NAGK: variants seen among roughly 807,000 people sequenced by gnomAD.
NAGK encodes the protein N-acetyl-D-glucosamine kinase.
NAGK carries 35 observed loss-of-function variants against 42.9 expected under a neutral mutation model. That is an observed-to-expected ratio of 0.82 (90% CI 0.62 to 1.08). The LOEUF is 1.08. NAGK is among the 50% of genes least tolerant of loss of function. The probability of loss-of-function intolerance (pLI) is 0.00; values close to 1 mark genes in which losing one functional copy is unlikely to be tolerated. For synonymous variants in NAGK, 172 were observed against 176.0 expected (o/e 0.98, Z 0.18); for missense variants, 446 against 446.0 (o/e 1.00, Z 0.00).
chr2:71,069,151 G>A (rs897103674), intron 1 of NAGK: 6 of 973,988 alleles, frequency 6.2e-6, no homozygotes, highest in Non-Finnish European at 7.4e-6. Context: ...GGGAGCTGGA[G>A]CAGCTGCGAG....
chr2:71,071,035 C>A, intron 3 of NAGK, 196 bp downstream of exon 3: 1 of 603,670 alleles, frequency 1.7e-6, no homozygotes, highest in Non-Finnish European at 3.0e-6. Flanking sequence ...TGGAAGAGCA[C>A]AGGGCTTTGG....
Position 71,077,120 on chromosome 2 carries a change from C to G in NAGK, c.765+419C>G, listed in dbSNP as rs140962812. ...CCTCCCCAGTAGCTGGGATTACAGG[C>G]GCGCATCACCATGGCCGGCTAATTT... On this transcript the variant is annotated intron_variant, in intron 8 of 9. Transcript: ENST00000244204. Among the ~76,000 whole-genome samples the G allele has an allele frequency of 5.8e-3, 889 of 152,202 alleles. 9 individuals carry two copies. The highest frequency in any genetic ancestry group is 0.021 in the African/African-American group (852 of 41,528).
chr2:71,069,124 C>A (rs1178425478), intron 1 of NAGK: 3 of 1,005,076 alleles, frequency 3.0e-6, no homozygotes, highest in African/African-American at 1.7e-5. Flanking sequence ...GGACAAAGAT[C>A]TTGGCTGAGG....
upstream of NAGK, chr2:71,068,606 C>G (rs372401395): frequency 1.1e-3 from 1,690 of 1,524,010 alleles, 1 homozygote; most frequent in Non-Finnish European, 1.4e-3. Context: ...TGGGGCGGTG[C>G]CCAGACAGCT....
rs1255159531 is a variant in NAGK at position 71,072,798 on chromosome 2, C to T, written c.466+47C>T. The T allele has an allele frequency of 2.0e-6, 3 of 1,509,414 alleles. No individual in the cohort carries two copies. In the African/African-American group the frequency reaches 4.1e-5, roughly 21 times the overall value. 93.5% of individuals were successfully genotyped at this position (1,509,414 alleles called of 1,614,324 possible). On this transcript the variant is annotated intron_variant, in intron 5 of 9. Transcript: ENST00000244204. ...GCTCCAGGTCCTGGATCTGCTCCTTCCTTCACTCCCTGTCTTTCTCTCCTT... is the reference window on the plus strand; with the variant it reads ...GCTCCAGGTCCTGGATCTGCTCCTTTCTTCACTCCCTGTCTTTCTCTCCTT...
Position 71,070,814 on chromosome 2 carries a change from A to T in NAGK, c.188A>T (p.Asp63Val), listed in dbSNP as rs150821125. 1.1e-3 allele frequency: 1,765 copies of T among 1,614,218 alleles called. 6 individuals are homozygous for T. Among genetic ancestry groups the T allele is most frequent in the South Asian group, 2.9e-3 (265 of 91,086 alleles). ...VNRAKRKAGV[D>V]PLVPLRSLGL... ...AGGGCCAAACGGAAAGCAGGGGTGG[A>T]TCCTCTGGTACCGCTGCGAAGCTTG... Residue 63 changes from aspartate (D) to valine (V), a missense_variant, in exon 3 of 10, where the codon GAT becomes GTT. Asp to Val is a radical substitution (Grantham distance 152). Transcript: ENST00000244204.
intron 2 of NAGK, 71 bp from the exon 3 acceptor site, chr2:71,070,670 C>T: frequency 2.5e-6 from 4 of 1,606,790 alleles, no homozygotes; most frequent in Non-Finnish European, 3.4e-6. Flanking sequence ...CTGGGACTCA[C>T]AGAGCAGCCT....
rs1047217090 is a variant in NAGK at position 71,076,593 on chromosome 2, C to T, written c.668-11C>T. 3.1e-6 allele frequency: 5 copies of T among 1,603,800 alleles called. No homozygotes were observed. Among genetic ancestry groups the T allele is most frequent in the East Asian group, 4.5e-5 (2 of 44,764 alleles). ...CTCACCAGTTTCCTTCTTCCGTCCT[C>T]CCTACCCCAGGTGCTCAGCAGGGAG... is the stretch of plus-strand genomic sequence containing the variant. On this transcript the variant is annotated splice_polypyrimidine_tract_variant and intron_variant, in intron 7 of 9. Transcript: ENST00000244204.
At chr2:71,076,774 A>AG in intron 8 of NAGK, 73 bp downstream of exon 8, 4 of 1,241,790 alleles carry the variant, frequency 3.2e-6, no homozygotes, top group Non-Finnish European at 4.7e-6. Flanking sequence ...GGATGGGACT[A>AG]TCCCATCAAA....
At position 71,072,665 on chromosome 2, in the gene NAGK, C is replaced by T. The variant is rs372224105; in HGVS notation, c.380C>T (p.Thr127Ile). 2 of 1,614,010 alleles carry T rather than the reference C, an allele frequency of 1.2e-6. No homozygotes were observed. The highest frequency in any genetic ancestry group is 1.7e-6 in the Non-Finnish European group (2 of 1,179,968). ...GGTGGAGTTGTGCTCATATCTGGAA[C>T]AGGCTCCAACTGCAGGCTCATCAAC... is the stretch of plus-strand genomic sequence containing the variant. Reference protein sequence around the residue: ...PDGGVVLISGTGSNCRLINPD... With the variant: ...PDGGVVLISGIGSNCRLINPD... The change falls in exon 5 of 10, where the codon ACA becomes ATA. Residue 127 changes from threonine (T) to isoleucine (I), a missense_variant. By Grantham distance (89) the Thr-to-Ile change is moderately conservative (BLOSUM62 -1). Transcript: ENST00000244204.
intron 5 of NAGK, chr2:71,073,194 TG>T: frequency 1.9e-6 from 1 of 520,732 alleles, no homozygotes; most frequent in South Asian, 2.1e-5. Flanking sequence ...CGGTGGTATT[TG>T]TGACAACAGA....
chr2:71,071,938 T>C (rs1338094721), intron 4 of NAGK, 111 bp downstream of exon 4: 16 of 1,374,928 alleles, frequency 1.2e-5, no homozygotes, highest in South Asian at 2.7e-5. Flanking sequence ...GCCACTCTTA[T>C]ATTCCCCTCA....
In NAGK at chr2:71,068,703, G is replaced by T. The variant is rs1264548741; in HGVS notation, c.20G>T (p.Gly7Val). The change falls in exon 1 of 10, where the codon GGT (glycine) becomes GTT (valine). Residue 7 changes from glycine (G) to valine (V), a missense_variant. Coordinates refer to ENST00000244204, the MANE Select transcript of NAGK (RefSeq NM_017567.6). ...AGCAGCATGGCCGCGATCTATGGGG[G>T]TGTAGAGGGGTGAGTGCGGCCCGGC... MAAIYGGVEGGGTRSEV... is the reference protein window; with the variant it reads MAAIYGVVEGGGTRSEV... The T allele has an allele frequency of 6.7e-7, 1 of 1,487,066 alleles. No homozygotes were observed. The allele number at this position is 1,487,066 out of a possible 1,614,324, so 92.1% of individuals were successfully genotyped here.
chr2:71,070,049 C>G (rs533048446), intron 1 of NAGK: 6 of 170,008 alleles, frequency 3.5e-5, no homozygotes, highest in African/African-American at 1.4e-4. Context: ...TGTGCCAGCT[C>G]CTGTGCTCGT....
rs755886667 is a variant in NAGK at position 71,071,704 on chromosome 2, G to A, written c.232G>A (p.Gly78Arg). The A allele has an allele frequency of 4.3e-6, 7 of 1,613,494 alleles. No individual in the cohort carries two copies. In the East Asian group the frequency reaches 1.6e-4, roughly 36 times the overall value. ...LRSLGLSLSG[G>R]DQEDAGRILI... ...GGCCTAGGGCCTATCTCTGAGCGGTGGGGACCAGGAGGACGCGGGGAGGAT... is the reference window on the plus strand; with the variant it reads ...GGCCTAGGGCCTATCTCTGAGCGGTAGGGACCAGGAGGACGCGGGGAGGAT... The change falls in exon 4 of 10, where the codon GGG becomes AGG. Residue 78 changes from glycine to arginine, a missense_variant. Transcript: ENST00000244204.
In NAGK at chr2:71,068,919, C is replaced by A. The variant is rs952189279; in HGVS notation, c.29+207C>A. Reference sequence around the variant, plus strand: ...GACTCTGCCTGTGCAACAGCCACACCCCGGGTTGGGGATCCTTTGTGTTTC... The same window carrying A: ...GACTCTGCCTGTGCAACAGCCACACACCGGGTTGGGGATCCTTTGTGTTTC... On this transcript the variant is annotated intron_variant, in intron 1 of 9. Transcript: ENST00000244204. 7.7e-6 allele frequency: 10 copies of A among 1,294,354 alleles called. No homozygotes were observed. The African/African-American group carries it at 1.4e-4, about 18-fold the overall frequency. 80.2% of individuals were successfully genotyped at this position (1,294,354 alleles called of 1,614,324 possible).
chr2:71,073,261 G>A (rs917821467), intron 5 of NAGK: 7 of 586,446 alleles, frequency 1.2e-5, no homozygotes, highest in Non-Finnish European at 2.1e-5. Context: ...CACCTATTCT[G>A]TTTTCCCCCT....
chr2:71,074,075 G>C (rs1672124986), intron 6 of NAGK, among the ~76,000 whole-genome samples: 1 of 152,182 alleles, frequency 6.6e-6, no homozygotes. Flanking sequence ...GTTGGGGATT[G>C]ACTCCTCCTT....
At position 71,073,485 on chromosome 2, in the gene NAGK, A is replaced by G; in HGVS notation, c.470A>G (p.Tyr157Cys). The change falls in exon 6 of 10, where the codon TAC (tyrosine) becomes TGC (cysteine). Residue 157 changes from tyrosine to cysteine, a missense_variant. Transcript: ENST00000244204. ...TAGCCCTCTCTGCTCCCTGCAGCCT[A>G]CTGGATCGCACACCAAGCAGTGAAA... ...GHMMGDEGSA[Y>C]WIAHQAVKIV... is the part of the protein sequence containing the mutation. 2 of 1,612,698 alleles carry G rather than the reference A, an allele frequency of 1.2e-6. No homozygotes were observed. Among genetic ancestry groups the G allele is most frequent in the Non-Finnish European group, 1.7e-6 (2 of 1,178,760 alleles).
Sources: allele counts gnomAD v4.1 joint callset (sites outside exome capture counted in the v4.1 genomes callset), GRCh38; gene constraint gnomAD v4.1.1; transcripts MANE v1.5; gene names NCBI Gene and HGNC (gene_info 2026-07-23, HGNC 2026-07-21).